Variants in CD180 observed in about 807,000 individuals in gnomAD.
CD180 encodes CD180 molecule.
A neutral mutation model predicts 10.7 loss-of-function variants in CD180; 11 were observed. The ratio of observed to expected loss-of-function variants is 1.03; its 90% CI spans 0.65 to 1.70. CD180 has a LOEUF of 1.70. Ranked by LOEUF, CD180 falls within the 40% of genes most tolerant of loss-of-function variation. The probability of loss-of-function intolerance (pLI) is 0.00; values close to 1 mark genes in which losing one functional copy is unlikely to be tolerated. For missense variants in CD180, 729 were observed against 775.2 expected (o/e 0.94, Z 0.71); for synonymous variants, 286 against 294.6 (o/e 0.97, Z 0.30).
At chr5:67,193,907 G>A (rs1262334640) in intron 1 of CD180, among the ~76,000 whole-genome samples, 1 of 152,196 alleles carries the variant, frequency 6.6e-6, no homozygotes, top group East Asian at 1.9e-4. Context: ...AAATGGTGAT[G>A]TTATCCTATT....
At chr5:67,195,839 C>T (rs1320181831) in intron 1 of CD180, among the ~76,000 whole-genome samples, 1 of 152,174 alleles carries the variant, frequency 6.6e-6, no homozygotes, top group South Asian at 2.1e-4. Flanking sequence ...GTATGCAGCC[C>T]TTGTCTGACA....
rs540793091 is a variant in CD180, at chr5:67,181,457, G to A, written c.*1400C>T. ...CCTGCCTGCCCTGCTTTTCCTGGGG[G>A]CGAAGAGACAAAAAGGATGACCCCC... On this transcript the variant is annotated 3_prime_UTR_variant, in exon 3 of 3. Coordinates refer to ENST00000256447, the MANE Select transcript of CD180 (RefSeq NM_005582.3). 1 of 152,422 alleles carries A rather than the reference G, an allele frequency of 6.6e-6. No homozygotes were observed. Among genetic ancestry groups the A allele is most frequent in the African/African-American group, 2.4e-5 (1 of 41,570 alleles). 9.4% of individuals were successfully genotyped at this position (152,422 alleles called of 1,614,324 possible). A position where few individuals can be genotyped will look rare whatever the true frequency, so the allele number is the denominator to read the frequency against.
At chr5:67,190,308 C>T (rs914048440) in intron 1 of CD180, among the ~76,000 whole-genome samples, 6 of 152,140 alleles carry the variant, frequency 3.9e-5, no homozygotes, top group African/African-American at 1.2e-4. Flanking sequence ...AACAGCACAA[C>T]GGTAATGCAA....
rs958519281 is a variant in CD180, at chr5:67,191,114, C to T, written c.91-5097G>A. On this transcript the variant is annotated intron_variant, in intron 1 of 2. Coordinates refer to ENST00000256447, the MANE Select transcript of CD180 (RefSeq NM_005582.3). ...TCTCTGAAAACAAAACAAACACTCCCTAGAGAGCACATTCCTGTAACTTCA... is the reference window on the plus strand; with the variant it reads ...TCTCTGAAAACAAAACAAACACTCCTTAGAGAGCACATTCCTGTAACTTCA... 2.4e-5 allele frequency: 24 copies of T among 984,670 alleles called. No individual in the cohort carries two copies. The African/African-American group carries it at 2.4e-4, about 10-fold the overall frequency. 61.0% of individuals were successfully genotyped at this position (984,670 alleles called of 1,614,324 possible). A position where few individuals can be genotyped will look rare whatever the true frequency, so the allele number is the denominator to read the frequency against.
chr5:67,196,442 T>A, intron 1 of CD180, 110 bp downstream of exon 1: 1 of 1,012,972 alleles, frequency 9.9e-7, no homozygotes, highest in Non-Finnish European at 1.5e-6. Context: ...CCTTATTTCC[T>A]TTTTAAAGAC....
At chr5:67,185,288 T>TACACACACACAC (rs138274022) in intron 2 of CD180, among the ~76,000 whole-genome samples, 79 of 130,152 alleles carry the variant, frequency 6.1e-4, no homozygotes, top group African/African-American at 1.9e-3. Flanking sequence ...TGTCCCCTCT[T>TACACACACACAC]ACACACACAC....
intron 1 of CD180, among the ~76,000 whole-genome samples, chr5:67,193,811 C>T (rs1742351415): frequency 6.6e-6 from 1 of 152,184 alleles, no homozygotes; most frequent in Non-Finnish European, 1.5e-5. Flanking sequence ...GGGGGCCTCC[C>T]GCTGATGCAA....
Position 67,182,441 on chromosome 5 carries a change from T to C in CD180, c.*416A>G, listed in dbSNP as rs1742066044. The C allele has an allele frequency of 6.3e-6, 1 of 158,280 alleles. No individual in the cohort carries two copies. The highest frequency in any genetic ancestry group is 1.4e-5 in the Non-Finnish European group (1 of 72,148). The allele number at this position is 158,280 out of a possible 1,614,324, so 9.8% of individuals were successfully genotyped here. A position where few individuals can be genotyped will look rare whatever the true frequency, so the allele number is the denominator to read the frequency against. On this transcript the variant is annotated 3_prime_UTR_variant, in exon 3 of 3. Transcript: ENST00000256447. ...AGTGGGGGTGGGTAGTGGGCTGGCT[T>C]CAGCTCTGACAAATTGTGGGGGCTG...
rs1439884115 is a variant in CD180 at position 67,185,906 on chromosome 5, T to C, written c.202A>G (p.Ile68Val). Residue 68 changes from isoleucine to valine, a missense_variant, in exon 2 of 3, where the codon ATT (isoleucine) becomes GTT (valine). Physicochemically the swap from Ile to Val is conservative, Grantham distance 29. Coordinates refer to ENST00000256447, the MANE Select transcript of CD180 (RefSeq NM_005582.3). ...AGTCTGCTGAAGGTTCTATTGTGAATTGTAGGCAAAAAATTAAAGCTGAAT... is the reference window on the plus strand; with the variant it reads ...AGTCTGCTGAAGGTTCTATTGTGAACTGTAGGCAAAAAATTAAAGCTGAAT... Reference protein sequence around the residue: ...LEFSFNFLPTIHNRTFSRLMN... With the variant: ...LEFSFNFLPTVHNRTFSRLMN... 1.9e-6 allele frequency: 3 copies of C among 1,611,906 alleles called. No individual in the cohort carries two copies. Among genetic ancestry groups the C allele is most frequent in the East Asian group, 2.2e-5 (1 of 44,734 alleles).
chr5:67,195,527 C>T (rs1742384579), intron 1 of CD180, among the ~76,000 whole-genome samples: 1 of 152,216 alleles, frequency 6.6e-6, no homozygotes, highest in Non-Finnish European at 1.5e-5. Context: ...CAGTCTGTGG[C>T]ATTTGTTATG....
At chr5:67,189,216 T>A (rs987337519) in intron 1 of CD180, among the ~76,000 whole-genome samples, 5 of 152,248 alleles carry the variant, frequency 3.3e-5, no homozygotes, top group Non-Finnish European at 7.3e-5. Flanking sequence ...CTCCTGAATA[T>A]ATAAGTGCCC....
chr5:67,191,271 C>A (rs983679859), intron 1 of CD180, among the ~76,000 whole-genome samples: 3 of 152,210 alleles, frequency 2.0e-5, no homozygotes, highest in African/African-American at 7.2e-5. Context: ...CTGAGCCTCC[C>A]TTTTCCTCAA....
In CD180 at chr5:67,180,161, G is replaced by T. The variant is rs1359596180; in HGVS notation, c.*2696C>A. On this transcript the variant is annotated 3_prime_UTR_variant, in exon 3 of 3. Coordinates refer to ENST00000256447, the MANE Select transcript of CD180 (RefSeq NM_005582.3). ...GAGCAGCAAGCTGCATCGCATGGAA[G>T]GGAGCGGGCCTGAGAAGTGAAAGCA... 1 of 152,274 alleles carries T rather than the reference G, an allele frequency of 6.6e-6. No individual in the cohort carries two copies. Among genetic ancestry groups the T allele is most frequent in the African/African-American group, 2.4e-5 (1 of 41,476 alleles). 9.4% of individuals were successfully genotyped at this position (152,274 alleles called of 1,614,324 possible). A position where few individuals can be genotyped will look rare whatever the true frequency, so the allele number is the denominator to read the frequency against.
chr5:67,183,095 C>T lies in CD180; in HGVS notation c.1748G>A (p.Cys583Tyr), dbSNP rs943095146. The change falls in exon 3 of 3, where the codon TGC becomes TAC. Residue 583 changes from cysteine to tyrosine, a missense_variant. Transcript: ENST00000256447. ...NLSHNPLDCT[C>Y]SNIHFLTWYK... Reference sequence around the variant, plus strand: ...CCATGTTAAGAAATGAATATTCGAGCAAGTGCAGTCCAGGGGGTTATGACT... The same window carrying T: ...CCATGTTAAGAAATGAATATTCGAGTAAGTGCAGTCCAGGGGGTTATGACT... 3.7e-6 allele frequency: 6 copies of T among 1,611,426 alleles called. No individual in the cohort carries two copies. The highest frequency in any genetic ancestry group is 3.3e-4 in the Middle Eastern group (2 of 6,048).
At position 67,183,010 on chromosome 5, in the gene CD180, T is replaced by A. The variant is rs769105461; in HGVS notation, c.1833A>T (p.Pro611=). 5.0e-6 allele frequency: 8 copies of A among 1,614,234 alleles called. No homozygotes were observed. Among genetic ancestry groups the A allele is most frequent in the Non-Finnish European group, 5.9e-6 (7 of 1,180,050 alleles). Residue 611 remains proline (P), a synonymous_variant, in exon 3 of 3, where the codon CCA becomes CCT. Coordinates refer to ENST00000256447, the MANE Select transcript of CD180 (RefSeq NM_005582.3). ...GSEETTCANP[P]SLRGVKLSDV... is the part of the protein sequence containing the mutation. Reference sequence around the variant, plus strand: ...CAGATAGCTTAACTCCCCTTAGAGATGGCGGGTTTGCACACGTGGTCTCCT... The same window carrying A: ...CAGATAGCTTAACTCCCCTTAGAGAAGGCGGGTTTGCACACGTGGTCTCCT...
At position 67,185,835 on chromosome 5, in the gene CD180, T is replaced by C; in HGVS notation, c.257+16A>G. The C allele has an allele frequency of 1.3e-6, 2 of 1,544,056 alleles. No individual in the cohort carries two copies. Among genetic ancestry groups the C allele is most frequent in the Non-Finnish European group, 1.7e-6 (2 of 1,145,306 alleles). On this transcript the variant is annotated intron_variant, in intron 2 of 2. Transcript: ENST00000256447. Reference sequence around the variant, plus strand: ...TAAATAAAATAAAAGAGCACACAAATAACTCAGATACATACCTAGTTAAAT... The same window carrying C: ...TAAATAAAATAAAAGAGCACACAAACAACTCAGATACATACCTAGTTAAAT...
Position 67,196,607 on chromosome 5 carries a change from A to G in CD180, c.35T>C (p.Val12Ala). The part of the protein sequence containing the change: ...AFDVSCFFWV[V>A]LFSAGCKVIT... ...GACTTTACAGCCGGCAGAAAACAGCACCACCCAAAAGAAGCAGCTGACGTC... is the reference window on the plus strand; with the variant it reads ...GACTTTACAGCCGGCAGAAAACAGCGCCACCCAAAAGAAGCAGCTGACGTC... The change falls in exon 1 of 3, where the codon GTG (valine) becomes GCG (alanine). Residue 12 changes from valine to alanine, a missense_variant. Coordinates refer to ENST00000256447, the MANE Select transcript of CD180 (RefSeq NM_005582.3). 6.2e-7 allele frequency: 1 copy of G among 1,613,992 alleles called. No homozygotes were observed. The highest frequency in any genetic ancestry group is 1.1e-5 in the South Asian group (1 of 91,070).
At chr5:67,185,556 T>G (rs1742176518) in intron 2 of CD180, among the ~76,000 whole-genome samples, 1 of 152,222 alleles carries the variant, frequency 6.6e-6, no homozygotes, top group Non-Finnish European at 1.5e-5. Flanking sequence ...TAGCATAGTT[T>G]GGCATCTGAT....
In CD180 at chr5:67,185,476, T is replaced by C. The variant is rs535467724; in HGVS notation, c.257+375A>G. Reference sequence around the variant, plus strand: ...TTTTCCAATTTGTAGGGGGGAAAAGTAGATGGTGTGCTTTTCTCCTAGAAA... The same window carrying C: ...TTTTCCAATTTGTAGGGGGGAAAAGCAGATGGTGTGCTTTTCTCCTAGAAA... On this transcript the variant is annotated intron_variant, in intron 2 of 2. Transcript: ENST00000256447. Among the ~76,000 whole-genome samples, 3 of 152,324 alleles carry C rather than the reference T, an allele frequency of 2.0e-5. No homozygotes were observed. In the South Asian group the frequency reaches 6.2e-4, roughly 32 times the overall value.
Sources: allele counts gnomAD v4.1 joint callset (sites outside exome capture counted in the v4.1 genomes callset), GRCh38; gene constraint gnomAD v4.1.1; transcripts MANE v1.5; gene names NCBI Gene and HGNC (gene_info 2026-07-23, HGNC 2026-07-21).